The following STK17B variants were observed in gnomAD, a reference collection of about 807,000 sequenced individuals.
STK17B encodes serine/threonine-protein kinase 17B.
STK17B carries 21 observed loss-of-function variants against 42.0 expected under a neutral mutation model. The observed-to-expected ratio is 0.50, with a 90% CI of 0.35 to 0.72. The LOEUF (loss-of-function observed/expected upper bound fraction) is 0.72. Ranked by LOEUF, STK17B falls within the 30% of genes least tolerant of loss-of-function variation. The probability of loss-of-function intolerance (pLI) is 0.00; values close to 1 mark genes in which losing one functional copy is unlikely to be tolerated. For missense variants in STK17B, 349 were observed against 446.0 expected, an observed-to-expected ratio of 0.78 and a Z score of 1.96; for synonymous variants, 143 against 148.4, an observed-to-expected ratio of 0.96 and a Z score of 0.26.
intron 3 of STK17B, among the ~76,000 whole-genome samples, chr2:196,146,634 A>G (rs1241164955): frequency 1.3e-5 from 2 of 152,224 alleles, no homozygotes; most frequent in East Asian, 3.8e-4. Flanking sequence ...ACTGCAATAA[A>G]GATAATAAAA....
chr2:196,169,663 A>G lies in STK17B; in HGVS notation c.-45+1670T>C, dbSNP rs370292698. Among the ~76,000 whole-genome samples, 157 of 152,298 alleles carry G rather than the reference A, an allele frequency of 1.0e-3. 8 individuals carry two copies. In the South Asian group the frequency reaches 0.032, roughly 31 times the overall value. ...CATAAAAATGCTTGTATCTTCTTCA[A>G]ATTTGTTACTCATATGCTAACACAG... On this transcript the variant is annotated intron_variant, in intron 1 of 7. Transcript: ENST00000263955.
chr2:196,156,588 T>C lies in STK17B; in HGVS notation c.186A>G (p.Lys62=), dbSNP rs56188620. 8.2e-5 allele frequency: 132 copies of C among 1,614,068 alleles called. 2 individuals are homozygous for C. In the East Asian group the frequency reaches 2.7e-3, roughly 32 times the overall value. Residue 62 remains lysine (K), a synonymous_variant, in exon 3 of 8, where the codon AAA becomes AAG. Coordinates refer to ENST00000263955, the MANE Select transcript of STK17B (RefSeq NM_004226.4). ...SKSTGQEYAA[K]FLKKRRRGQD... ...GTCCTCTTCTTCTCTTTTTTAGAAA[T>C]TTTGCAGCATATTCTTGGCCAGTAG...
chr2:196,138,120 AC>A (rs770534745), intron 7 of STK17B, among the ~76,000 whole-genome samples: 3 of 152,226 alleles, frequency 2.0e-5, no homozygotes, highest in Non-Finnish European at 2.9e-5. Flanking sequence ...TAAGCATTAC[AC>A]CATATTATCT....
chr2:196,167,614 T>A (rs1056782160), intron 1 of STK17B, among the ~76,000 whole-genome samples: 1 of 152,246 alleles, frequency 6.6e-6, no homozygotes, highest in Non-Finnish European at 1.5e-5. Context: ...TTTTGTCATA[T>A]ACTATAATGT....
intron 3 of STK17B, among the ~76,000 whole-genome samples, chr2:196,150,431 G>T (rs1479216389): frequency 6.6e-6 from 1 of 152,172 alleles, no homozygotes; most frequent in Non-Finnish European, 1.5e-5. Flanking sequence ...CTTTAGCACA[G>T]GTTACACAGT....
At chr2:196,144,463 G>C (rs1454934308) in intron 4 of STK17B, among the ~76,000 whole-genome samples, 1 of 112,530 alleles carries the variant, frequency 8.9e-6, no homozygotes, top group African/African-American at 3.3e-5. Context: ...ATTCAGCCTG[G>C]GCGACAGAGC....
At chr2:196,165,862 T>A (rs16846171) in intron 1 of STK17B, 12,274 of 152,348 alleles carry the variant, frequency 0.081, 653 homozygotes, top group Middle Eastern at 0.19. Context: ...ATACTCTCCC[T>A]GCAGTTCCCT....
At chr2:196,170,444 G>A (rs1699925382) in intron 1 of STK17B, among the ~76,000 whole-genome samples, 2 of 152,224 alleles carry the variant, frequency 1.3e-5, no homozygotes, top group African/African-American at 4.8e-5. Context: ...AATCTGATAA[G>A]TATTACGATT....
At position 196,163,282 on chromosome 2, in the gene STK17B, A is replaced by G. The variant is rs762387515; in HGVS notation, c.102T>C (p.Leu34=). The change falls in exon 2 of 8, where the codon CTT becomes CTC. Residue 34 remains leucine (L), a synonymous_variant. Coordinates refer to ENST00000263955, the MANE Select transcript of STK17B (RefSeq NM_004226.4). ...KMENFNNFYI[L]TSKELGRGKF... ...CTTACCTCCCTAGCTCTTTAGATGTAAGTATATAGAAATTATTAAAGTTTT... is the reference window on the plus strand; with the variant it reads ...CTTACCTCCCTAGCTCTTTAGATGTGAGTATATAGAAATTATTAAAGTTTT... 1.2e-6 allele frequency: 2 copies of G among 1,608,718 alleles called. No individual in the cohort carries two copies. The highest frequency in any genetic ancestry group is 2.2e-5 in the East Asian group (1 of 44,736).
rs1365449907 is a variant in STK17B at position 196,143,678 on chromosome 2, A to G, written c.489T>C (p.Asn163=). The G allele has an allele frequency of 6.5e-7, 1 of 1,528,560 alleles. No individual in the cohort carries two copies. Among genetic ancestry groups the G allele is most frequent in the African/African-American group, 1.4e-5 (1 of 71,110 alleles). The allele number at this position is 1,528,560 out of a possible 1,614,324, so 94.7% of individuals were successfully genotyped here. A position where few individuals can be genotyped will look rare whatever the true frequency, so the allele number is the denominator to read the frequency against. ...GAGGGTATATGCTGCTCAGTAATATATTCTGTGGCTAAACAAAGTACAACA... is the reference window on the plus strand; with the variant it reads ...GAGGGTATATGCTGCTCAGTAATATGTTCTGTGGCTAAACAAAGTACAACA... ...NIVHLDLKPQ[N]ILLSSIYPLG... The change falls in exon 5 of 8, where the codon AAT becomes AAC. Residue 163 remains asparagine, a synonymous_variant. Coordinates refer to ENST00000263955, the MANE Select transcript of STK17B (RefSeq NM_004226.4).
At chr2:196,147,801 G>A (rs538721392) in intron 3 of STK17B, among the ~76,000 whole-genome samples, 2 of 149,198 alleles carry the variant, frequency 1.3e-5, no homozygotes, top group South Asian at 2.1e-4. Context: ...GCGCCATCTC[G>A]GCTCACTGCA....
At chr2:196,147,316 C>CT (rs531622008) in intron 3 of STK17B, among the ~76,000 whole-genome samples, 111 of 148,642 alleles carry the variant, frequency 7.5e-4, no homozygotes, top group African/African-American at 2.5e-3. Flanking sequence ...CTAGCATGCA[C>CT]TGCAGTAGGT....
chr2:196,154,738 C>G (rs1029081119), intron 3 of STK17B: 3 of 152,176 alleles, frequency 2.0e-5, no homozygotes, highest in African/African-American at 7.2e-5. Flanking sequence ...AACAACTAAA[C>G]CTGATTAAAT....
upstream of STK17B, among the ~76,000 whole-genome samples, chr2:196,174,756 T>C (rs1699983208): frequency 6.6e-6 from 1 of 152,228 alleles, no homozygotes; most frequent in Admixed American, 6.5e-5. Flanking sequence ...TACAGCACAT[T>C]GCAATTTTGA....
Position 196,137,365 on chromosome 2 carries a change from A to G in STK17B, c.*82T>C. ...AGTGCATTTACAATATAAACATGTC[A>G]TATATGAAGCTACAAATCATAATCT... On this transcript the variant is annotated 3_prime_UTR_variant, in exon 8 of 8. Transcript: ENST00000263955. 7.1e-7 allele frequency: 1 copy of G among 1,404,586 alleles called. No individual in the cohort carries two copies. The highest frequency in any genetic ancestry group is 1.4e-5 in the South Asian group (1 of 72,158). The allele number at this position is 1,404,586 out of a possible 1,614,324, so 87.0% of individuals were successfully genotyped here. A position where few individuals can be genotyped will look rare whatever the true frequency, so the allele number is the denominator to read the frequency against.
intron 3 of STK17B, among the ~76,000 whole-genome samples, chr2:196,148,792 CA>C (rs1184830764): frequency 6.6e-6 from 1 of 152,148 alleles, no homozygotes. Context: ...ATAACCAGAA[CA>C]CTCCACCAAT....
chr2:196,175,575 G>T (rs917202684), upstream of STK17B, among the ~76,000 whole-genome samples: 5 of 152,194 alleles, frequency 3.3e-5, no homozygotes, highest in Non-Finnish European at 5.9e-5. Context: ...GCAGTTAGCC[G>T]AGATTGTGTA....
intron 3 of STK17B, among the ~76,000 whole-genome samples, chr2:196,152,138 G>A (rs191984600): frequency 7.0e-5 from 10 of 143,856 alleles, no homozygotes; most frequent in Admixed American, 2.1e-4. Context: ...ACGAAGTCTC[G>A]CTCTATTGCC....
chr2:196,161,084 A>G (rs1005827739), intron 2 of STK17B, among the ~76,000 whole-genome samples: 2 of 152,196 alleles, frequency 1.3e-5, no homozygotes, highest in African/African-American at 2.4e-5. Flanking sequence ...TATTGTGTGT[A>G]CTGTTCAAGA....
Sources: allele counts gnomAD v4.1 joint callset (sites outside exome capture counted in the v4.1 genomes callset), GRCh38; gene constraint gnomAD v4.1.1; transcripts MANE v1.5; gene names NCBI Gene and HGNC (gene_info 2026-07-23, HGNC 2026-07-21).